Variants in ANKS1B observed in about 807,000 individuals in gnomAD.
The protein encoded by ANKS1B is ankyrin repeat and sterile alpha motif domain-containing protein 1B.
A neutral mutation model predicts 148.3 loss-of-function variants in ANKS1B; 36 were observed. The observed-to-expected ratio is 0.24, with a 90% CI of 0.19 to 0.32. The LOEUF (loss-of-function observed/expected upper bound fraction) is 0.32. ANKS1B is among the 10% of genes least tolerant of loss of function. ANKS1B has a pLI of 1.00. For missense variants in ANKS1B, 1,157 were observed against 1,542.6 expected, an observed-to-expected ratio of 0.75 and a Z score of 4.19; for synonymous variants, 542 against 560.8, an observed-to-expected ratio of 0.97 and a Z score of 0.47.
At chr12:99,262,616 G>GT (rs1054347668) in intron 12 of ANKS1B, among the ~76,000 whole-genome samples, 4 of 151,406 alleles carry the variant, frequency 2.6e-5, no homozygotes, top group Admixed American at 6.6e-5. Context: ...TTTTTCTTTT[G>GT]TTTTTTATGG....
At chr12:99,440,788 T>C (rs376997259) in intron 11 of ANKS1B, among the ~76,000 whole-genome samples, 1 of 151,856 alleles carries the variant, frequency 6.6e-6, no homozygotes, top group East Asian at 1.9e-4. Flanking sequence ...ATGGATGCTC[T>C]CCATTTACAG....
Position 98,744,681 on chromosome 12 carries a change from T to C in ANKS1B, c.*1058A>G, listed in dbSNP as rs968644331. 1.2e-5 allele frequency: 11 copies of C among 899,834 alleles called. No individual in the cohort carries two copies. The highest frequency in any genetic ancestry group is 1.1e-4 in the African/African-American group (6 of 54,590). 55.7% of individuals were successfully genotyped at this position (899,834 alleles called of 1,614,324 possible). A position where few individuals can be genotyped will look rare whatever the true frequency, so the allele number is the denominator to read the frequency against. On this transcript the variant is annotated 3_prime_UTR_variant, in exon 27 of 27. Transcript: ENST00000683438. ...GTTTTATTACTTTGGAATTTCTTCT[T>C]TTTTTTTTTTGTATTTATTTTTTCT...
chr12:99,528,294 C>T (rs114468708), intron 9 of ANKS1B, among the ~76,000 whole-genome samples: 9,858 of 151,784 alleles, frequency 0.065, 423 homozygotes, highest in East Asian at 0.24. Flanking sequence ...TAGGAAATAC[C>T]ACTCTGGACA....
chr12:99,476,989 C>T (rs955357638), intron 10 of ANKS1B, among the ~76,000 whole-genome samples: 1 of 152,118 alleles, frequency 6.6e-6, no homozygotes, highest in African/African-American at 2.4e-5. Context: ...AATCCAAGGC[C>T]TCCCTCAGTT....
intron 1 of ANKS1B, among the ~76,000 whole-genome samples, chr12:99,979,477 A>G (rs1304424217): frequency 6.6e-6 from 1 of 152,132 alleles, no homozygotes; most frequent in Admixed American, 6.5e-5. Flanking sequence ...CCCTATTGAG[A>G]ACCATTTTCA....
At chr12:98,926,732 G>C (rs1413628816) in intron 17 of ANKS1B, among the ~76,000 whole-genome samples, 1 of 152,092 alleles carries the variant, frequency 6.6e-6, no homozygotes, top group Admixed American at 6.5e-5. Flanking sequence ...TTGTGGAGCT[G>C]AGCAGTGTAA....
chr12:98,999,770 G>A (rs1215569274), intron 17 of ANKS1B, among the ~76,000 whole-genome samples: 1 of 152,192 alleles, frequency 6.6e-6, no homozygotes, highest in Non-Finnish European at 1.5e-5. Context: ...GCGTGTGAAG[G>A]GCATGTGGTT....
chr12:99,812,134 G>A lies in ANKS1B; in HGVS notation c.372+21C>T, dbSNP rs772928576. On this transcript the variant is annotated intron_variant, in intron 3 of 26. Transcript: ENST00000683438. ...TAAAACTAGAAAAATTACATCATGAGCAAACATTTGGCAAGTGCACCTGTT... is the reference window on the plus strand; with the variant it reads ...TAAAACTAGAAAAATTACATCATGAACAAACATTTGGCAAGTGCACCTGTT... 2.5e-6 allele frequency: 4 copies of A among 1,594,758 alleles called. No homozygotes were observed. The East Asian group carries it at 9.0e-5, about 36-fold the overall frequency.
At chr12:99,215,086 A>G (rs2083950476) in intron 14 of ANKS1B, among the ~76,000 whole-genome samples, 1 of 152,202 alleles carries the variant, frequency 6.6e-6, no homozygotes. Flanking sequence ...ATTCATTCAC[A>G]AAGATATGGT....
At chr12:99,092,472 A>G (rs2054376481) in intron 15 of ANKS1B, among the ~76,000 whole-genome samples, 1 of 32,750 alleles carries the variant, frequency 3.1e-5, no homozygotes, top group African/African-American at 6.0e-5. Flanking sequence ...GTGAAGCTGA[A>G]AAAAAAAAAA....
chr12:99,128,095 G>A (rs146080379), intron 15 of ANKS1B, among the ~76,000 whole-genome samples: 79 of 152,166 alleles, frequency 5.2e-4, no homozygotes, highest in South Asian at 2.5e-3. Flanking sequence ...ACTTATAATC[G>A]TTTCAAGAAA....
At chr12:98,769,278 A>G (rs1426119759) in intron 25 of ANKS1B, among the ~76,000 whole-genome samples, 2 of 148,274 alleles carry the variant, frequency 1.3e-5, no homozygotes, top group Non-Finnish European at 1.5e-5. Flanking sequence ...ACTGCCCTAC[A>G]TAAGGATACA....
At chr12:99,458,992 CAT>C (rs2095897022) in intron 10 of ANKS1B, among the ~76,000 whole-genome samples, 1 of 152,024 alleles carries the variant, frequency 6.6e-6, no homozygotes, top group South Asian at 2.1e-4. Flanking sequence ...CCCTGATTAA[CAT>C]AGATACAAAA....
chr12:98,948,860 G>C (rs2099849499), intron 17 of ANKS1B, among the ~76,000 whole-genome samples: 1 of 149,794 alleles, frequency 6.7e-6, no homozygotes, highest in Non-Finnish European at 1.5e-5. Flanking sequence ...AGTAAGAACT[G>C]CTTGACTTTC....
intron 24 of ANKS1B, among the ~76,000 whole-genome samples, chr12:98,778,864 T>C (rs1452063232): frequency 6.6e-6 from 1 of 152,206 alleles, no homozygotes; most frequent in East Asian, 1.9e-4. Flanking sequence ...ACTAGACTAT[T>C]GCCCTGAGTC....
chr12:99,285,482 G>A (rs1354994576), intron 12 of ANKS1B, among the ~76,000 whole-genome samples: 2 of 152,104 alleles, frequency 1.3e-5, no homozygotes, highest in Non-Finnish European at 2.9e-5. Context: ...AAATATCTAG[G>A]TATAAATGAC....
At chr12:98,858,849 T>A (rs531503922) in intron 17 of ANKS1B, among the ~76,000 whole-genome samples, 1 of 152,224 alleles carries the variant, frequency 6.6e-6, no homozygotes, top group Non-Finnish European at 1.5e-5. Context: ...ACCTTAGCAC[T>A]TCTCTCAATT....
chr12:98,794,493 C>G, intron 22 of ANKS1B: 2 of 441,998 alleles, frequency 4.5e-6, no homozygotes, highest in South Asian at 2.0e-5. Context: ...ACATGTGTAT[C>G]AAGAAGTGTT....
chr12:98,904,146 C>A (rs1223509837), intron 17 of ANKS1B, among the ~76,000 whole-genome samples: 1 of 151,546 alleles, frequency 6.6e-6, no homozygotes, highest in Non-Finnish European at 1.5e-5. Context: ...CTGCACAAAT[C>A]CAAGTGAGAA....
Sources: allele counts gnomAD v4.1 joint callset (sites outside exome capture counted in the v4.1 genomes callset), GRCh38; gene constraint gnomAD v4.1.1; transcripts MANE v1.5; gene names NCBI Gene and HGNC (gene_info 2026-07-23, HGNC 2026-07-21).